Variants in KLHL5 observed in about 807,000 individuals in gnomAD.
KLHL5 encodes kelch like family member 5.
KLHL5 carries 48 observed loss-of-function variants against 77.7 expected under a neutral mutation model. The observed-to-expected ratio is 0.62, with a 90% CI of 0.49 to 0.79. The LOEUF (loss-of-function observed/expected upper bound fraction) is 0.79. Among genes scored for constraint, KLHL5 ranks in the 30% least tolerant of loss-of-function variants. The probability of loss-of-function intolerance (pLI) is 0.00; values close to 1 mark genes in which losing one functional copy is unlikely to be tolerated. For missense variants in KLHL5, 723 were observed against 859.7 expected, an observed-to-expected ratio of 0.84 and a Z score of 1.99; for synonymous variants, 260 against 297.0, an observed-to-expected ratio of 0.88 and a Z score of 1.28.
intron 1 of KLHL5, among the ~76,000 whole-genome samples, chr4:39,069,562 A>G (rs949680775): frequency 2.4e-5 from 2 of 84,720 alleles, no homozygotes; most frequent in Non-Finnish European, 4.9e-5. Flanking sequence ...ATATATATAT[A>G]TATATAAACC....
At chr4:39,102,630 T>C (rs1721687843) in intron 6 of KLHL5, among the ~76,000 whole-genome samples, 1 of 152,142 alleles carries the variant, frequency 6.6e-6, no homozygotes, top group South Asian at 2.1e-4. Flanking sequence ...CCCTTTCATC[T>C]CCTGTATTTT....
Position 39,125,515 on chromosome 4 carries a change from A to G in KLHL5, c.*4449A>G, listed in dbSNP as rs1723488080. 6.6e-6 allele frequency among the ~76,000 whole-genome samples: 1 copy of G among 152,230 alleles called. No homozygotes were observed. Among genetic ancestry groups the G allele is most frequent in the Non-Finnish European group, 1.5e-5 (1 of 68,044 alleles). On this transcript the variant is annotated 3_prime_UTR_variant, in exon 11 of 11. Coordinates refer to ENST00000504108, the MANE Select transcript of KLHL5 (RefSeq NM_015990.5). ...ACGGCACAATAGAATATTCAGCCATAAAGAGAAATGAGGGACTGATACATG... is the reference window on the plus strand; with the variant it reads ...ACGGCACAATAGAATATTCAGCCATGAAGAGAAATGAGGGACTGATACATG...
intron 5 of KLHL5, among the ~76,000 whole-genome samples, chr4:39,094,067 T>C (rs542430529): frequency 1.4e-4 from 21 of 152,300 alleles, no homozygotes; most frequent in Non-Finnish European, 2.5e-4. Flanking sequence ...TATTTAACAT[T>C]TTTTAGAAGG....
Position 39,062,706 on chromosome 4 carries a change from G to C in KLHL5, c.54G>C (p.Trp18Cys), listed in dbSNP as rs1300260373. The C allele has an allele frequency of 6.2e-6, 10 of 1,614,038 alleles. No individual in the cohort carries two copies. The African/African-American group carries it at 1.3e-4, about 22-fold the overall frequency. ...TGAAACAGATTTTGAAAATCAGATG[G>C]AGGTGGTTTGGTCATCAAGCATCAT... is the stretch of plus-strand genomic sequence containing the variant. ...FDVKQILKIRWRWFGHQASSP... is the reference protein window; with the variant it reads ...FDVKQILKIRCRWFGHQASSP... Residue 18 changes from tryptophan (W) to cysteine (C), a missense_variant, in exon 1 of 11, where the codon TGG becomes TGC. Trp to Cys is a radical substitution (Grantham distance 215). Coordinates refer to ENST00000504108, the MANE Select transcript of KLHL5 (RefSeq NM_015990.5).
chr4:39,110,993 A>C (rs1722418734), intron 8 of KLHL5, among the ~76,000 whole-genome samples: 1 of 152,170 alleles, frequency 6.6e-6, no homozygotes, highest in African/African-American at 2.4e-5. Flanking sequence ...TTTGAAATTC[A>C]AATGAACCAT....
intron 8 of KLHL5, chr4:39,112,789 A>C (rs1449106350): frequency 4.3e-6 from 2 of 470,376 alleles, no homozygotes; most frequent in African/African-American, 3.9e-5. Context: ...AACAGTTGTC[A>C]CTGCCTTCAT....
upstream of KLHL5, among the ~76,000 whole-genome samples, chr4:39,060,327 TGGA>T (rs1717305813): frequency 6.6e-6 from 1 of 151,886 alleles, no homozygotes; most frequent in South Asian, 2.1e-4. Flanking sequence ...TGGGAATGAG[TGGA>T]GGAGGATTGG....
In KLHL5 at chr4:39,125,223, C is replaced by T. The variant is rs940112501; in HGVS notation, c.*4157C>T. The stretch of plus-strand genomic sequence containing the variant: ...GAGAGGATGTGGAGAAATTGAAAAC[C>T]TTCATTCGTTGTTGGTGGGAATGTT... On this transcript the variant is annotated 3_prime_UTR_variant, in exon 11 of 11. Coordinates refer to ENST00000504108, the MANE Select transcript of KLHL5 (RefSeq NM_015990.5). Among the ~76,000 whole-genome samples the T allele has an allele frequency of 8.6e-5, 13 of 151,970 alleles. No homozygotes were observed. Among genetic ancestry groups the T allele is most frequent in the Non-Finnish European group, 1.8e-4 (12 of 67,978 alleles).
intron 2 of KLHL5, among the ~76,000 whole-genome samples, chr4:39,079,009 C>T (rs2109366057): frequency 6.6e-6 from 1 of 152,172 alleles, no homozygotes; most frequent in Middle Eastern, 3.4e-3. Context: ...TATTGAGATA[C>T]TACTATGTAC....
At chr4:39,088,475 T>C (rs908741893) in intron 5 of KLHL5, among the ~76,000 whole-genome samples, 14 of 152,226 alleles carry the variant, frequency 9.2e-5, no homozygotes, top group African/African-American at 3.4e-4. Context: ...ATAGGGCTAA[T>C]AAGAGGCAGA....
intron 1 of KLHL5, among the ~76,000 whole-genome samples, chr4:39,047,243 C>A (rs908570345): frequency 1.3e-5 from 2 of 152,136 alleles, no homozygotes; most frequent in African/African-American, 4.8e-5. Context: ...CACAGTTAAA[C>A]CCCGTCTCTA....
At chr4:39,087,416 G>C (rs1720150295) in intron 5 of KLHL5, among the ~76,000 whole-genome samples, 1 of 152,090 alleles carries the variant, frequency 6.6e-6, no homozygotes, top group Non-Finnish European at 1.5e-5. Flanking sequence ...AGATTAACAA[G>C]GTATATTAAT....
At chr4:39,108,696 G>C (rs1004890777) in intron 8 of KLHL5, among the ~76,000 whole-genome samples, 9 of 151,894 alleles carry the variant, frequency 5.9e-5, no homozygotes, top group Non-Finnish European at 1.2e-4. Context: ...TTCATCACTA[G>C]GTATCTTTCT....
At chr4:39,127,414 C>A (rs748964475), downstream of KLHL5, among the ~76,000 whole-genome samples, 1 of 151,906 alleles carries the variant, frequency 6.6e-6, no homozygotes, top group Non-Finnish European at 1.5e-5. Flanking sequence ...ACAAAAAGGA[C>A]GTAGAGTAAA....
chr4:39,071,090 G>A (rs1308867664), intron 1 of KLHL5, among the ~76,000 whole-genome samples: 6 of 152,046 alleles, frequency 3.9e-5, no homozygotes, highest in Non-Finnish European at 5.9e-5. Context: ...TATAGAAATT[G>A]TACAATGGTG....
At position 39,123,433 on chromosome 4, in the gene KLHL5, T is replaced by G. The variant is rs1723339714; in HGVS notation, c.*2367T>G. On this transcript the variant is annotated 3_prime_UTR_variant, in exon 11 of 11. Coordinates refer to ENST00000504108, the MANE Select transcript of KLHL5 (RefSeq NM_015990.5). ...CAGGGAAGCTACAGACCAATATCCC[T>G]TATGAATATAGATGCAAAAAAACTT... Among the ~76,000 whole-genome samples, 1 of 152,190 alleles carries G rather than the reference T, an allele frequency of 6.6e-6. No individual in the cohort carries two copies. The highest frequency in any genetic ancestry group is 1.5e-5 in the Non-Finnish European group (1 of 68,032).
chr4:39,141,304 C>CTTTTTTTTTTTTTTTTTTTTTTTTTTT, the KLHL5 span, among the ~76,000 whole-genome samples: 2 of 75,626 alleles, frequency 2.6e-5, no homozygotes, highest in Non-Finnish European at 5.0e-5. Context: ...ATTTTTTAGT[C>CTTTTTTTTTTTTTTTTTTTTTTTTTTT]TTTTTTTTTT....
chr4:39,114,527 T>G (rs535469223), intron 9 of KLHL5, among the ~76,000 whole-genome samples: 2 of 152,340 alleles, frequency 1.3e-5, no homozygotes, highest in Non-Finnish European at 2.9e-5. Flanking sequence ...TGTATTGGTG[T>G]TGTTTGAGAA....
intron 10 of KLHL5, among the ~76,000 whole-genome samples, chr4:39,116,670 T>TA (rs35848063): frequency 0.53 from 79,899 of 151,596 alleles, 21,588 homozygotes; most frequent in Non-Finnish European, 0.59. Context: ...TGACTGGTTA[T>TA]AGGATCTGTG....
Sources: allele counts gnomAD v4.1 joint callset (sites outside exome capture counted in the v4.1 genomes callset), GRCh38; gene constraint gnomAD v4.1.1; transcripts MANE v1.5; gene names NCBI Gene and HGNC (gene_info 2026-07-23, HGNC 2026-07-21).